Variants in EFR3B observed in about 807,000 individuals in gnomAD.
The protein encoded by EFR3B is EFR3 homolog B, also known as protein EFR3 homolog B.
In EFR3B, 64 loss-of-function variants were observed where a neutral mutation model predicts 104.7. The observed-to-expected ratio is 0.61, with a 90% CI of 0.50 to 0.75. The LOEUF is 0.75. Among genes scored for constraint, EFR3B ranks in the 30% least tolerant of loss-of-function variants. EFR3B has a pLI of 0.00. For missense variants in EFR3B, 750 were observed against 1,078.5 expected, an observed-to-expected ratio of 0.70 and a Z score of 4.27; for synonymous variants, 385 against 417.9, an observed-to-expected ratio of 0.92 and a Z score of 0.96.
At chr2:25,050,052 C>T (rs1347806425) in intron 1 of EFR3B, among the ~76,000 whole-genome samples, 2 of 151,116 alleles carry the variant, frequency 1.3e-5, no homozygotes, top group African/African-American at 2.4e-5. Flanking sequence ...ATCACTTCAA[C>T]CCTGGAGGTG....
chr2:25,128,225 G>A lies in EFR3B; in HGVS notation c.528G>A (p.Arg176=). The A allele has an allele frequency of 1.3e-6, 2 of 1,551,748 alleles. No homozygotes were observed. Among genetic ancestry groups the A allele is most frequent in the Non-Finnish European group, 1.7e-6 (2 of 1,147,004 alleles). ...SGIKGLQGVV[R]KTVNDELQAN... ...TCAAAGGCCTGCAAGGGGTGGTGAG[G>A]AAGACGGTGAATGATGAACTGCAGG... is the stretch of plus-strand genomic sequence containing the variant. The change falls in exon 6 of 23, where the codon AGG becomes AGA. Residue 176 remains arginine, a synonymous_variant. Transcript: ENST00000403714.
At chr2:25,129,376 G>GGC (rs1670265791) in intron 6 of EFR3B, among the ~76,000 whole-genome samples, 1 of 148,252 alleles carries the variant, frequency 6.7e-6, no homozygotes, top group Non-Finnish European at 1.5e-5. Context: ...CGTGGGGTGG[G>GGC]GTGGGGTTCG....
chr2:25,069,523 G>A (rs1204432718), intron 1 of EFR3B, among the ~76,000 whole-genome samples: 1 of 152,218 alleles, frequency 6.6e-6, no homozygotes, highest in Non-Finnish European at 1.5e-5. Flanking sequence ...TGAAGTGGCA[G>A]CATTACAGCT....
intron 1 of EFR3B, among the ~76,000 whole-genome samples, chr2:25,061,642 C>A (rs549206619): frequency 6.6e-6 from 1 of 151,478 alleles, no homozygotes; most frequent in Admixed American, 6.6e-5. Flanking sequence ...TACAGGCGTG[C>A]GCCACCACGC....
At chr2:25,053,157 T>G (rs1422654906) in intron 1 of EFR3B, among the ~76,000 whole-genome samples, 44 of 152,332 alleles carry the variant, frequency 2.9e-4, no homozygotes, top group Admixed American at 7.8e-4. Context: ...GGCAAGAGAA[T>G]GTAAGAGGCA....
intron 4 of EFR3B, among the ~76,000 whole-genome samples, chr2:25,104,863 A>G (rs1232181076): frequency 6.6e-6 from 1 of 152,248 alleles, no homozygotes. Flanking sequence ...GTCTCAGTGC[A>G]AATGGCTGCG....
chr2:25,144,249 A>G (rs183717227), intron 18 of EFR3B, among the ~76,000 whole-genome samples: 23 of 152,340 alleles, frequency 1.5e-4, no homozygotes, highest in African/African-American at 5.1e-4. Context: ...CAGGAATTTA[A>G]CAATAGCTGC....
Position 25,129,452 on chromosome 2 carries a change from G to C in EFR3B, c.636-523G>C, listed in dbSNP as rs981449820. On this transcript the variant is annotated intron_variant, in intron 6 of 22. Transcript: ENST00000403714. ...ACAAGCTGCTGTGGTCTCTGGGCTG[G>C]GAGTCCTCCGGCTCCTGTTCTGTCC... Among the ~76,000 whole-genome samples the C allele has an allele frequency of 2.8e-5, 4 of 141,982 alleles. No homozygotes were observed. The East Asian group carries it at 6.3e-4, about 22-fold the overall frequency. The allele number at this position is 141,982 out of a possible 152,430, so 93.1% of individuals were successfully genotyped here. A position where few individuals can be genotyped will look rare whatever the true frequency, so the allele number is the denominator to read the frequency against.
At position 25,130,738 on chromosome 2, in the gene EFR3B, C is replaced by T; in HGVS notation, c.849+108C>T. On this transcript the variant is annotated intron_variant, in intron 8 of 22. Coordinates refer to ENST00000403714, the MANE Select transcript of EFR3B (RefSeq NM_014971.2). This position sits in a 1 kb window ranked among gnomAD's most constrained non-coding sequence, Gnocchi z 4.6. ...AAGTCCCCTGTGACTCCTCCGAAGC[C>T]CCCAGTTGCCGAAACCAGTGCTGCT... 3.9e-6 allele frequency: 4 copies of T among 1,020,870 alleles called. No homozygotes were observed. The highest frequency in any genetic ancestry group is 4.5e-6 in the Non-Finnish European group (3 of 673,224). 63.2% of individuals were successfully genotyped at this position (1,020,870 alleles called of 1,614,324 possible). A position where few individuals can be genotyped will look rare whatever the true frequency, so the allele number is the denominator to read the frequency against.
At chr2:25,148,644 CG>C (rs1351124411) in intron 19 of EFR3B, among the ~76,000 whole-genome samples, 2 of 148,612 alleles carry the variant, frequency 1.3e-5, no homozygotes, top group Non-Finnish European at 3.0e-5. Flanking sequence ...CAGAACTGGC[CG>C]GGCGCGGTGG....
chr2:25,061,803 TA>T (rs528980575), intron 1 of EFR3B, among the ~76,000 whole-genome samples: 2,984 of 142,088 alleles, frequency 0.021, 34 homozygotes, highest in Non-Finnish European at 0.033. Flanking sequence ...GCCTACTTGT[TA>T]AAAAAAAAAA....
intron 17 of EFR3B, among the ~76,000 whole-genome samples, chr2:25,141,704 A>G (rs922479877): frequency 5.3e-5 from 8 of 152,378 alleles, no homozygotes; most frequent in African/African-American, 1.7e-4. Flanking sequence ...TGCTAAATGC[A>G]TCCTGGAGGA....
chr2:25,154,609 T>A lies in EFR3B; in HGVS notation c.*269T>A. Reference sequence around the variant, plus strand: ...TGTGTCAGCCAGGGGCAGAGAATCATGGGGTGTCTCTCAGGAGAAGCCGGG... The same window carrying A: ...TGTGTCAGCCAGGGGCAGAGAATCAAGGGGTGTCTCTCAGGAGAAGCCGGG... On this transcript the variant is annotated 3_prime_UTR_variant, in exon 23 of 23. Coordinates refer to ENST00000403714, the MANE Select transcript of EFR3B (RefSeq NM_014971.2). This position sits in a 1 kb window ranked among gnomAD's most constrained non-coding sequence, Gnocchi z 4.1. The A allele has an allele frequency of 2.4e-6, 1 of 425,190 alleles. No individual in the cohort carries two copies. The highest frequency in any genetic ancestry group is 4.2e-6 in the Non-Finnish European group (1 of 239,756). 26.3% of individuals were successfully genotyped at this position (425,190 alleles called of 1,614,324 possible). A position where few individuals can be genotyped will look rare whatever the true frequency, so the allele number is the denominator to read the frequency against.
intron 20 of EFR3B, 83 bp downstream of exon 20, chr2:25,149,825 C>T (rs1486265803): frequency 8.0e-7 from 1 of 1,253,686 alleles, no homozygotes; most frequent in Non-Finnish European, 1.1e-6. Context: ...CAGCAGGACA[C>T]ACCACCCTCC....
chr2:25,042,172 C>T lies in EFR3B; in HGVS notation c.-141C>T, dbSNP rs975448283. The T allele has an allele frequency of 1.2e-6, 1 of 816,112 alleles. No individual in the cohort carries two copies. Among genetic ancestry groups the T allele is most frequent in the Non-Finnish European group, 1.6e-6 (1 of 620,410 alleles). The allele number at this position is 816,112 out of a possible 1,614,324, so 50.6% of individuals were successfully genotyped here. On this transcript the variant is annotated 5_prime_UTR_variant, in exon 1 of 23. Transcript: ENST00000403714. The surrounding 1 kb of genome is among the most constrained non-coding windows in gnomAD (Gnocchi z 5.4). ...CCGTCCTGCCCGCGGCCGGCCCCCG[C>T]GTCTGCTCCCTCCCCGCCCGGGCCC...
intron 4 of EFR3B, among the ~76,000 whole-genome samples, chr2:25,119,544 C>T (rs550387492): frequency 1.9e-4 from 29 of 152,344 alleles, no homozygotes; most frequent in African/African-American, 6.7e-4. Flanking sequence ...TGAACTTGTA[C>T]GTAATCGATG....
At chr2:25,051,876 G>T (rs2149164324) in intron 1 of EFR3B, among the ~76,000 whole-genome samples, 1 of 150,348 alleles carries the variant, frequency 6.7e-6, no homozygotes, top group South Asian at 2.1e-4. Flanking sequence ...CTGACCTCAG[G>T]TGATCCGCCC....
chr2:25,063,983 C>T (rs1214488435), intron 1 of EFR3B, among the ~76,000 whole-genome samples: 1 of 152,214 alleles, frequency 6.6e-6, no homozygotes, highest in African/African-American at 2.4e-5. Context: ...AGAGCTGCTG[C>T]ATTAAGAGTG....
chr2:25,072,896 C>T (rs1328707401), intron 1 of EFR3B, among the ~76,000 whole-genome samples: 1 of 152,192 alleles, frequency 6.6e-6, no homozygotes. Context: ...TAAAAATATG[C>T]ATACCTTTTG....
Sources: allele counts gnomAD v4.1 joint callset (sites outside exome capture counted in the v4.1 genomes callset), GRCh38; gene constraint gnomAD v4.1.1; non-coding constraint Gnocchi (gnomAD v3.1); transcripts MANE v1.5; gene names NCBI Gene and HGNC (gene_info 2026-07-23, HGNC 2026-07-21).